LIN52: variants seen among roughly 807,000 people sequenced by gnomAD.
LIN52 encodes lin-52 DREAM MuvB core complex component.
LIN52 carries 4 observed loss-of-function variants against 18.5 expected under a neutral mutation model. That is an observed-to-expected ratio of 0.22 (90% CI 0.11 to 0.49). The LOEUF (loss-of-function observed/expected upper bound fraction) is 0.49, where lower values mean the gene tolerates loss of function less well. Among genes scored for constraint, LIN52 ranks in the 20% least tolerant of loss-of-function variants. The probability of loss-of-function intolerance (pLI) is 0.97; values close to 1 mark genes in which losing one functional copy is unlikely to be tolerated. For missense variants in LIN52, 102 were observed against 139.5 expected (o/e 0.73, Z 1.35); for synonymous variants, 34 against 45.5 (o/e 0.75, Z 1.02).
At chr14:74,089,999 G>T (rs1254115924) in intron 1 of LIN52, among the ~76,000 whole-genome samples, 1 of 151,044 alleles carries the variant, frequency 6.6e-6, no homozygotes, top group Non-Finnish European at 1.5e-5. Context: ...GCCCAAGTGG[G>T]CATGTATAAC....
intron 5 of LIN52, among the ~76,000 whole-genome samples, chr14:74,184,394 T>A (rs2061332289): frequency 6.6e-6 from 1 of 152,282 alleles, no homozygotes. Flanking sequence ...GATAATTTTA[T>A]CCTAGTGATG....
intron 5 of LIN52, among the ~76,000 whole-genome samples, chr14:74,139,202 T>A (rs1441045070): frequency 6.6e-6 from 1 of 152,236 alleles, no homozygotes; most frequent in African/African-American, 2.4e-5. Flanking sequence ...TCACCTGGCC[T>A]GGCTGCAAAA....
At chr14:74,186,935 C>T (rs754037592) in intron 5 of LIN52, among the ~76,000 whole-genome samples, 65 of 152,212 alleles carry the variant, frequency 4.3e-4, no homozygotes, top group African/African-American at 1.3e-3. Flanking sequence ...AAATATTAGC[C>T]GGGCGTTATG....
chr14:74,125,193 G>A (rs1364025378), intron 5 of LIN52, among the ~76,000 whole-genome samples: 1 of 152,160 alleles, frequency 6.6e-6, no homozygotes, highest in Admixed American at 6.5e-5. Context: ...TCACCACACT[G>A]ACTTCCACAA....
intron 5 of LIN52, among the ~76,000 whole-genome samples, chr14:74,197,052 G>C (rs2139600288): frequency 6.6e-6 from 1 of 152,290 alleles, no homozygotes; most frequent in East Asian, 1.9e-4. Flanking sequence ...CATGAACTTG[G>C]CATTATTTGC....
chr14:74,108,185 C>G (rs189466658), intron 5 of LIN52, among the ~76,000 whole-genome samples: 12 of 152,002 alleles, frequency 7.9e-5, no homozygotes, highest in African/African-American at 2.4e-4. Context: ...TTCAATTATG[C>G]TATAGCATGT....
At chr14:74,118,459 G>A (rs868722009) in intron 5 of LIN52, among the ~76,000 whole-genome samples, 6 of 152,188 alleles carry the variant, frequency 3.9e-5, no homozygotes, top group South Asian at 2.1e-4. Context: ...CCCTGTAACC[G>A]TTGGTCAAAA....
chr14:74,137,168 A>T (rs896813777), intron 5 of LIN52, among the ~76,000 whole-genome samples: 32 of 139,548 alleles, frequency 2.3e-4, no homozygotes, highest in African/African-American at 7.8e-4. Flanking sequence ...ATATATATAT[A>T]TATATTTTTT....
At chr14:74,162,173 A>T (rs2139566000) in intron 5 of LIN52, among the ~76,000 whole-genome samples, 1 of 152,286 alleles carries the variant, frequency 6.6e-6, no homozygotes, top group South Asian at 2.1e-4. Flanking sequence ...TCTGACAGTA[A>T]TTGGAAGATA....
At chr14:74,180,268 T>C (rs1403363876) in intron 5 of LIN52, among the ~76,000 whole-genome samples, 1 of 146,682 alleles carries the variant, frequency 6.8e-6, no homozygotes, top group Non-Finnish European at 1.5e-5. Context: ...AGGAATTTTT[T>C]TTTTTTTTTT....
chr14:74,195,783 C>T (rs934960100), intron 5 of LIN52, among the ~76,000 whole-genome samples: 7 of 152,086 alleles, frequency 4.6e-5, no homozygotes, highest in South Asian at 2.1e-4. Flanking sequence ...GTTCGGTTAG[C>T]GGGCGGTGAT....
chr14:74,137,203 CTCT>C (rs879725806), intron 5 of LIN52, among the ~76,000 whole-genome samples: 3 of 148,816 alleles, frequency 2.0e-5, no homozygotes, highest in African/African-American at 7.4e-5. Flanking sequence ...TATTGATATT[CTCT>C]TCTTCCTTAG....
intron 5 of LIN52, among the ~76,000 whole-genome samples, chr14:74,108,047 C>T (rs1856320814): frequency 6.6e-6 from 1 of 152,134 alleles, no homozygotes; most frequent in Admixed American, 6.5e-5. Flanking sequence ...CTCCCCAGAC[C>T]TAGGCTGTTA....
intron 5 of LIN52, among the ~76,000 whole-genome samples, chr14:74,116,444 G>A (rs1440926990): frequency 1.3e-5 from 2 of 152,034 alleles, no homozygotes; most frequent in African/African-American, 2.4e-5. Context: ...TGTGGCTTAC[G>A]CCTGTAATCC....
intron 5 of LIN52, among the ~76,000 whole-genome samples, chr14:74,107,993 A>C (rs1425630327): frequency 6.6e-6 from 1 of 152,188 alleles, no homozygotes; most frequent in Non-Finnish European, 1.5e-5. Flanking sequence ...CATCACCTGA[A>C]AAACCTTGCA....
At chr14:74,167,784 C>T (rs2061255821) in intron 5 of LIN52, among the ~76,000 whole-genome samples, 1 of 152,188 alleles carries the variant, frequency 6.6e-6, no homozygotes, top group Admixed American at 6.5e-5. Flanking sequence ...AGTCCTCCTG[C>T]CTCAGCCTCC....
At chr14:74,159,567 G>GTTTTT (rs11288935) in intron 5 of LIN52, among the ~76,000 whole-genome samples, 3 of 133,616 alleles carry the variant, frequency 2.2e-5, no homozygotes, top group South Asian at 2.4e-4. Flanking sequence ...TGTGGGGTTT[G>GTTTTT]TTTTTTTTTT....
chr14:74,162,161 A>C (rs2061228208), intron 5 of LIN52, among the ~76,000 whole-genome samples: 1 of 152,192 alleles, frequency 6.6e-6, no homozygotes, highest in African/African-American at 2.4e-5. Flanking sequence ...AAAAATAAAA[A>C]ATCTGACAGT....
At chr14:74,153,276 C>A (rs1215233288) in intron 5 of LIN52, among the ~76,000 whole-genome samples, 4 of 152,072 alleles carry the variant, frequency 2.6e-5, no homozygotes, top group East Asian at 1.9e-4. Context: ...TTTGCAGATA[C>A]CCCTCCCAAC....
Sources: gnomAD v4.1 joint callset for allele counts (sites outside exome capture counted in the v4.1 genomes callset) on GRCh38, gnomAD v4.1.1 for gene constraint, MANE v1.5 for transcripts, NCBI Gene and HGNC (gene_info 2026-07-23, HGNC 2026-07-21) for gene names.